The following RANBP3 variants were observed in gnomAD, a reference collection of about 807,000 sequenced individuals.
The protein encoded by RANBP3 is ran-binding protein 3.
Under a neutral mutation model 77.3 loss-of-function variants are expected in RANBP3, and 14 were observed. The ratio of observed to expected loss-of-function variants is 0.18; its 90% CI spans 0.12 to 0.28. The LOEUF is 0.28. RANBP3 is among the 10% of genes least tolerant of loss of function. The probability of loss-of-function intolerance (pLI) is 1.00; values close to 1 mark genes in which losing one functional copy is unlikely to be tolerated. For synonymous variants in RANBP3, 315 were observed against 312.4 expected, an observed-to-expected ratio of 1.01 and a Z score of -0.09; for missense variants, 586 against 752.3, an observed-to-expected ratio of 0.78 and a Z score of 2.59.
At position 5,918,518 on chromosome 19, in the gene RANBP3, C is replaced by G; in HGVS notation, c.1451G>C (p.Gly484Ala). ...RITAMDTEDQGVKVFLISASS... is the reference protein window; with the variant it reads ...RITAMDTEDQAVKVFLISASS... ...CACCGAGATCAGGAAGACCTTCACGCCCTGGTCCTCGGTGTCCATGGCTGT... is the reference window on the plus strand; with the variant it reads ...CACCGAGATCAGGAAGACCTTCACGGCCTGGTCCTCGGTGTCCATGGCTGT... Residue 484 changes from glycine to alanine, a missense_variant, in exon 15 of 17, where the codon GGC becomes GCC. Physicochemically the swap from Gly to Ala is moderately conservative, Grantham distance 60. Around this residue, in one of 5 missense-constraint regions of RANBP3, gnomAD observed 128 missense variants for 157.0 expected, o/e 0.82. Transcript: ENST00000340578. The G allele has an allele frequency of 1.9e-6, 3 of 1,613,034 alleles. No individual in the cohort carries two copies. Among genetic ancestry groups the G allele is most frequent in the Non-Finnish European group, 2.5e-6 (3 of 1,179,674 alleles).
intron 5 of RANBP3, among the ~76,000 whole-genome samples, chr19:5,935,098 A>G (rs553289702): frequency 3.9e-5 from 6 of 152,340 alleles, no homozygotes; most frequent in East Asian, 1.9e-4. Context: ...TCAATTGTAC[A>G]CTAAAACGAT....
intron 2 of RANBP3, among the ~76,000 whole-genome samples, chr19:5,956,645 A>G (rs1410678661): frequency 6.6e-6 from 1 of 152,166 alleles, no homozygotes; most frequent in Non-Finnish European, 1.5e-5. Context: ...GGTTTAGAAC[A>G]ACCATTTTCC....
chr19:5,918,307 G>A (rs2057770960), intron 15 of RANBP3, 189 bp downstream of exon 15: 5 of 716,930 alleles, frequency 7.0e-6, no homozygotes, highest in South Asian at 5.9e-5. Context: ...TTGAGAAGAG[G>A]ACAAGGACCA....
In RANBP3 at chr19:5,921,468, C is replaced by T. The variant is rs2057818891; in HGVS notation, c.1210-147G>A. 1 of 884,274 alleles carries T rather than the reference C, an allele frequency of 1.1e-6. No individual in the cohort carries two copies. The highest frequency in any genetic ancestry group is 1.7e-5 in the South Asian group (1 of 59,766). 54.8% of individuals were successfully genotyped at this position (884,274 alleles called of 1,614,324 possible). A position where few individuals can be genotyped will look rare whatever the true frequency, so the allele number is the denominator to read the frequency against. ...CACCTTGGTCAGTTTTTTGTCCTGC[C>T]CTCAAGCTAGAACAGGCTTTACATT... On this transcript the variant is annotated intron_variant, in intron 13 of 16. Transcript: ENST00000340578. This position sits in a 1 kb window ranked among gnomAD's most constrained non-coding sequence, Gnocchi z 5.3.
At chr19:5,933,501 T>C (rs750417172) in intron 5 of RANBP3, 22 bp from the exon 6 acceptor site, 3 of 1,609,790 alleles carry the variant, frequency 1.9e-6, no homozygotes, top group Non-Finnish European at 2.5e-6. Context: ...AGACAAAATA[T>C]CAACAGCAGG....
At chr19:5,927,402 C>T (rs2057926473) in intron 9 of RANBP3, among the ~76,000 whole-genome samples, 1 of 152,212 alleles carries the variant, frequency 6.6e-6, no homozygotes, top group Non-Finnish European at 1.5e-5. Context: ...GGTGACAGTT[C>T]TTAATGGGGG....
intron 12 of RANBP3, among the ~76,000 whole-genome samples, 197 bp from the exon 13 acceptor site, chr19:5,923,500 TG>T (rs2057855288): frequency 6.6e-6 from 1 of 152,134 alleles, no homozygotes; most frequent in African/African-American, 2.4e-5. Context: ...GGAGACCATC[TG>T]GGGGCCAAGT....
chr19:5,942,673 C>G (rs1381753769), intron 3 of RANBP3, among the ~76,000 whole-genome samples: 1 of 147,462 alleles, frequency 6.8e-6, no homozygotes, highest in African/African-American at 2.5e-5. Context: ...TGCACTCCAG[C>G]CTGGGCGACA....
chr19:5,925,653 G>A lies in RANBP3; in HGVS notation c.898C>T (p.Leu300Phe). The A allele has an allele frequency of 6.2e-7, 1 of 1,614,104 alleles. No individual in the cohort carries two copies. The highest frequency in any genetic ancestry group is 8.5e-7 in the Non-Finnish European group (1 of 1,179,990). The stretch of plus-strand genomic sequence containing the variant: ...ACACACCTGGAACTGATATACTGGA[G>A]GAAATAGTTCGTTGCGGTTGGCGTG... ...ADTPTATNYF[L>F]QYISSSLENS... is the part of the protein sequence containing the mutation. The change falls in exon 10 of 17, where the codon CTC (leucine) becomes TTC (phenylalanine). Residue 300 changes from leucine (L) to phenylalanine (F), a missense_variant. Around this residue, in one of 5 missense-constraint regions of RANBP3, gnomAD observed 232 missense variants for 271.7 expected, o/e 0.85. Coordinates refer to ENST00000340578, the MANE Select transcript of RANBP3 (RefSeq NM_007322.3).
At position 5,923,800 on chromosome 19, in the gene RANBP3, A is replaced by C; in HGVS notation, c.1099+12T>G. On this transcript the variant is annotated intron_variant, in intron 12 of 16. Coordinates refer to ENST00000340578, the MANE Select transcript of RANBP3 (RefSeq NM_007322.3). ...ACCATGAGCCCCATGCTGTGGTGGG[A>C]CGCTAACATACCTTTCTCAGGGGTG... 6.3e-7 allele frequency: 1 copy of C among 1,592,402 alleles called. No homozygotes were observed. The highest frequency in any genetic ancestry group is 8.6e-7 in the Non-Finnish European group (1 of 1,160,526).
At chr19:5,927,823 TGCCGTGA>T in intron 9 of RANBP3, 138 bp downstream of exon 9, 1 of 1,049,194 alleles carries the variant, frequency 9.5e-7, no homozygotes, top group Non-Finnish European at 1.3e-6. Flanking sequence ...CAGCAGACTG[TGCCGTGA>T]GCCATGGGGC....
intron 1 of RANBP3, among the ~76,000 whole-genome samples, chr19:5,966,109 C>T (rs762096860): frequency 6.6e-6 from 1 of 152,202 alleles, no homozygotes; most frequent in Non-Finnish European, 1.5e-5. Context: ...TTTGCTTCCT[C>T]TCACCTTTTC....
At chr19:5,956,346 G>A (rs2058334635) in intron 2 of RANBP3, among the ~76,000 whole-genome samples, 1 of 152,104 alleles carries the variant, frequency 6.6e-6, no homozygotes, top group African/African-American at 2.4e-5. Context: ...TCTAAAACTA[G>A]AGAAATGCAC....
chr19:5,942,840 T>TGA (rs749148412), intron 3 of RANBP3, among the ~76,000 whole-genome samples: 1 of 151,746 alleles, frequency 6.6e-6, no homozygotes, highest in Non-Finnish European at 1.5e-5. Context: ...GGAAACATGG[T>TGA]GAGACTCTGT....
rs966975915 is a variant in RANBP3, at chr19:5,935,193, G to A, written c.407-1714C>T. Reference sequence around the variant, plus strand: ...GCAGGCCAAGGAAGACCCCTCTCCCGCTGTGCCCCGGAGGCGCCGCTGTGC... The same window carrying A: ...GCAGGCCAAGGAAGACCCCTCTCCCACTGTGCCCCGGAGGCGCCGCTGTGC... On this transcript the variant is annotated intron_variant, in intron 5 of 16. Transcript: ENST00000340578. 3.9e-5 allele frequency among the ~76,000 whole-genome samples: 6 copies of A among 152,298 alleles called. No individual in the cohort carries two copies. In the East Asian group the frequency reaches 9.6e-4, roughly 24 times the overall value.
Position 5,918,541 on chromosome 19 carries a change from T to G in RANBP3, c.1428A>C (p.Thr476=). ...DKASEKSIRI[T]AMDTEDQGVK... ...CGCCCTGGTCCTCGGTGTCCATGGC[T>G]GTGATGCGAATGCTCTTCTCGCTGG... Residue 476 remains threonine (T), a synonymous_variant, in exon 15 of 17, where the codon ACA becomes ACC. Transcript: ENST00000340578. 1 of 1,613,478 alleles carries G rather than the reference T, an allele frequency of 6.2e-7. No individual in the cohort carries two copies. The highest frequency in any genetic ancestry group is 8.5e-7 in the Non-Finnish European group (1 of 1,179,856).
At chr19:5,968,365 C>T (rs1019128698) in intron 1 of RANBP3, among the ~76,000 whole-genome samples, 1 of 152,186 alleles carries the variant, frequency 6.6e-6, no homozygotes, top group Non-Finnish European at 1.5e-5. Context: ...GTACCTCTGG[C>T]ACAATGTCTT....
chr19:5,926,418 G>A (rs1422350669), intron 9 of RANBP3, among the ~76,000 whole-genome samples: 2 of 152,192 alleles, frequency 1.3e-5, no homozygotes, highest in Non-Finnish European at 2.9e-5. Context: ...GGATGTGGCA[G>A]TGGGCGCCTG....
rs758233444 is a variant in RANBP3 at position 5,917,826 on chromosome 19, T to C, written c.1628A>G (p.Asp543Gly). The C allele has an allele frequency of 1.4e-5, 23 of 1,612,146 alleles. No individual in the cohort carries two copies. Among genetic ancestry groups the C allele is most frequent in the Non-Finnish European group, 1.9e-5 (23 of 1,179,560 alleles). Reference protein sequence around the residue: ...SNEEDDSDDDDVLAPSGATAA... With the variant: ...SNEEDDSDDDGVLAPSGATAA... The stretch of plus-strand genomic sequence containing the variant: ...GGTGGCCCCTGAAGGAGCCAGGACA[T>C]CGTCATCGTCGCTGTCGTCCTCCTC... The change falls in exon 16 of 17, where the codon GAT (aspartate) becomes GGT (glycine). Residue 543 changes from aspartate (D) to glycine (G), a missense_variant. Transcript: ENST00000340578.
Sources: allele counts gnomAD v4.1 joint callset (sites outside exome capture counted in the v4.1 genomes callset), GRCh38; gene constraint gnomAD v4.1.1; regional missense constraint gnomAD v4.1.1; non-coding constraint Gnocchi (gnomAD v3.1); transcripts MANE v1.5; gene names NCBI Gene and HGNC (gene_info 2026-07-23, HGNC 2026-07-21).